Variants in PNOC observed in about 807,000 individuals in gnomAD.
The protein encoded by PNOC is prepronociceptin.
PNOC carries 10 observed loss-of-function variants against 15.6 expected under a neutral mutation model. The observed-to-expected ratio is 0.64, with a 90% CI of 0.40 to 1.09. PNOC has a LOEUF of 1.09. PNOC is among the 50% of genes least tolerant of loss of function. The pLI, the probability that PNOC is intolerant of heterozygous loss-of-function variation, is 0.01. For missense variants in PNOC, 220 were observed against 223.9 expected (o/e 0.98, Z 0.11); for synonymous variants, 98 against 88.5 (o/e 1.11, Z -0.60).
In PNOC at chr8:28,328,064, T is replaced by C. The variant is rs1316639258; in HGVS notation, c.-23-1071T>C. Among the ~76,000 whole-genome samples, 56 of 125,568 alleles carry C rather than the reference T, an allele frequency of 4.5e-4. 1 individual carries two copies. The highest frequency in any genetic ancestry group is 1.2e-3 in the South Asian group (4 of 3,432). The allele number at this position is 125,568 out of a possible 152,430, so 82.4% of individuals were successfully genotyped here. On this transcript the variant is annotated intron_variant, in intron 1 of 3. Transcript: ENST00000301908. Reference sequence around the variant, plus strand: ...AAGGTTCCATCTCTCTCTCTCTTTTTTTTTTTTTTTTTTTTTTTTTTGAGA... The same window carrying C: ...AAGGTTCCATCTCTCTCTCTCTTTTCTTTTTTTTTTTTTTTTTTTTTGAGA...
chr8:28,329,035 C>T, intron 1 of PNOC, 100 bp from the exon 2 acceptor site: 2 of 1,194,534 alleles, frequency 1.7e-6, no homozygotes, highest in Non-Finnish European at 2.4e-6. Context: ...CCAGAGACAG[C>T]AGAGAAGTGT....
At chr8:28,323,519 A>G (rs1329876223) in intron 1 of PNOC, among the ~76,000 whole-genome samples, 2 of 152,258 alleles carry the variant, frequency 1.3e-5, no homozygotes, top group African/African-American at 4.8e-5. Context: ...TCCCACCGTT[A>G]CAAAGTATAA....
chr8:28,323,145 A>T (rs545026880), intron 1 of PNOC, among the ~76,000 whole-genome samples: 45 of 152,352 alleles, frequency 3.0e-4, no homozygotes, highest in African/African-American at 1.1e-3. Context: ...ATAAGCAACT[A>T]ATTATATTGC....
chr8:28,330,767 T>C (rs560213499), intron 2 of PNOC, among the ~76,000 whole-genome samples: 2 of 152,228 alleles, frequency 1.3e-5, no homozygotes, highest in African/African-American at 4.8e-5. Flanking sequence ...AAATGCTCTC[T>C]TATATTTTAA....
chr8:28,326,628 G>A (rs1229596796), intron 1 of PNOC, among the ~76,000 whole-genome samples: 7 of 152,152 alleles, frequency 4.6e-5, no homozygotes, highest in East Asian at 1.9e-4. Context: ...TTGGGAGGCC[G>A]AGGCGGGCAG....
Position 28,339,148 on chromosome 8 carries a change from C to A in PNOC, c.235C>A (p.His79Asn). The stretch of plus-strand genomic sequence containing the variant: ...GCAGCTCAGCCCTGCCGCCCCAGAG[C>A]ATGTGGCGGCTGCTCTCTACCAGCC... ...SWQLSPAAPE[H>N]VAAALYQPRA... Residue 79 changes from histidine (H) to asparagine (N), a missense_variant, in exon 3 of 4, where the codon CAT (histidine) becomes AAT (asparagine). By Grantham distance (68) the His-to-Asn change is moderately conservative (BLOSUM62 1). Transcript: ENST00000301908. The A allele has an allele frequency of 6.2e-6, 10 of 1,613,428 alleles. No individual in the cohort carries two copies. Among genetic ancestry groups the A allele is most frequent in the Non-Finnish European group, 8.5e-6 (10 of 1,179,366 alleles).
intron 3 of PNOC, 93 bp from the exon 4 acceptor site, chr8:28,342,849 C>A: frequency 5.4e-6 from 2 of 368,382 alleles, no homozygotes; most frequent in Non-Finnish European, 7.5e-6. Context: ...CTTTTCTTTG[C>A]CTCCCTTTCA....
intron 3 of PNOC, among the ~76,000 whole-genome samples, chr8:28,341,506 C>T (rs1401986667): frequency 6.6e-6 from 1 of 152,182 alleles, no homozygotes; most frequent in Non-Finnish European, 1.5e-5. Flanking sequence ...GACACTGAAG[C>T]TCATGTCTAA....
intron 1 of PNOC, among the ~76,000 whole-genome samples, chr8:28,328,228 C>T (rs540692505): frequency 1.3e-5 from 2 of 151,670 alleles, no homozygotes; most frequent in South Asian, 2.1e-4. Context: ...CCACCACACC[C>T]GGATATATAT....
chr8:28,332,131 G>A (rs1801338458), intron 2 of PNOC, among the ~76,000 whole-genome samples: 1 of 152,178 alleles, frequency 6.6e-6, no homozygotes, highest in African/African-American at 2.4e-5. Flanking sequence ...GCCTCACAAT[G>A]GGGGACTAAC....
At chr8:28,323,017 A>T (rs1424749843) in intron 1 of PNOC, among the ~76,000 whole-genome samples, 1 of 152,232 alleles carries the variant, frequency 6.6e-6, no homozygotes, top group Non-Finnish European at 1.5e-5. Flanking sequence ...CTCTAGCAAG[A>T]GCAGTCCCCT....
At chr8:28,327,320 T>A (rs1187731444) in intron 1 of PNOC, among the ~76,000 whole-genome samples, 1 of 152,236 alleles carries the variant, frequency 6.6e-6, no homozygotes, top group East Asian at 1.9e-4. Context: ...ACTGCACACC[T>A]TTCAGGCAAT....
Position 28,337,581 on chromosome 8 carries a change from CT to C in PNOC, c.127-1440del, listed in dbSNP as rs10685321. Among the ~76,000 whole-genome samples the C allele has an allele frequency of 9.7e-3, 1,140 of 117,096 alleles. 8 individuals carry two copies. Among genetic ancestry groups the C allele is most frequent in the African/African-American group, 0.034 (1,062 of 31,032 alleles). 76.8% of individuals were successfully genotyped at this position (117,096 alleles called of 152,430 possible). ...TCCCAAAGTTCTGGGATTACGTTTCCTTTTTTTTTTTTTTTTTTTGAGACGG... is the reference window on the plus strand; with the variant it reads ...TCCCAAAGTTCTGGGATTACGTTTCCTTTTTTTTTTTTTTTTTTGAGACGG... On this transcript the variant is annotated intron_variant, in intron 2 of 3. Transcript: ENST00000301908.
chr8:28,323,473 A>G (rs905988645), intron 1 of PNOC, among the ~76,000 whole-genome samples: 1 of 152,260 alleles, frequency 6.6e-6, no homozygotes, highest in African/African-American at 2.4e-5. Context: ...AGTTGAGAAG[A>G]CTGAGGCTCA....
At chr8:28,317,486 C>T (rs937948976) in intron 1 of PNOC, among the ~76,000 whole-genome samples, 170 bp downstream of exon 1, 1 of 151,886 alleles carries the variant, frequency 6.6e-6, no homozygotes, top group African/African-American at 2.4e-5. Context: ...TCCTTTGTAG[C>T]GCTTGGATGG....
In PNOC at chr8:28,328,468, T is replaced by C. The variant is rs1801262616; in HGVS notation, c.-23-667T>C. Among the ~76,000 whole-genome samples, 5 of 151,868 alleles carry C rather than the reference T, an allele frequency of 3.3e-5. No individual in the cohort carries two copies. The South Asian group carries it at 1.0e-3, about 32-fold the overall frequency. On this transcript the variant is annotated intron_variant, in intron 1 of 3. Transcript: ENST00000301908. ...GACAGAGATAGACCATAGCACTAGC[T>C]CACATCTAACAGGGATAAGAGGCAA...
At position 28,339,466 on chromosome 8, in the gene PNOC, G is replaced by T. The variant is rs1477601163; in HGVS notation, c.*22G>T. 8.6e-6 allele frequency: 13 copies of T among 1,514,318 alleles called. No individual in the cohort carries two copies. The highest frequency in any genetic ancestry group is 1.1e-5 in the Non-Finnish European group (13 of 1,131,394). 93.8% of individuals were successfully genotyped at this position (1,514,318 alleles called of 1,614,324 possible). ...GTAGCCGGAAGGGGCGCTCCTCCCA[G>T]CTGTACCGGCCACTGCAACCCATGA... On this transcript the variant is annotated 3_prime_UTR_variant, in exon 3 of 4. Coordinates refer to ENST00000301908, the MANE Select transcript of PNOC (RefSeq NM_006228.5).
intron 1 of PNOC, among the ~76,000 whole-genome samples, chr8:28,318,044 CT>C (rs1457138170): frequency 6.6e-6 from 1 of 152,162 alleles, no homozygotes; most frequent in Non-Finnish European, 1.5e-5. Flanking sequence ...CCCTCTCCCC[CT>C]GCCCATCTCC....
intron 1 of PNOC, among the ~76,000 whole-genome samples, chr8:28,326,529 A>G (rs1409598721): frequency 1.3e-5 from 2 of 152,088 alleles, no homozygotes; most frequent in Non-Finnish European, 2.9e-5. Context: ...TTTGGCATGG[A>G]TACAAGTCAC....
Sources: allele counts gnomAD v4.1 joint callset (sites outside exome capture counted in the v4.1 genomes callset), GRCh38; gene constraint gnomAD v4.1.1; transcripts MANE v1.5; gene names NCBI Gene and HGNC (gene_info 2026-07-23, HGNC 2026-07-21).